The following ARAP2 variants were observed in gnomAD, a reference collection of about 807,000 sequenced individuals.
ARAP2 encodes arf-GAP with Rho-GAP domain, ANK repeat and PH domain-containing protein 2.
In ARAP2, 148 loss-of-function variants were observed where a neutral mutation model predicts 194.5. The observed-to-expected ratio is 0.76, with a 90% CI of 0.67 to 0.87. The LOEUF is 0.87. Among genes scored for constraint, ARAP2 ranks in the 40% least tolerant of loss-of-function variants. The pLI is 0.00. For synonymous variants in ARAP2, 695 were observed against 683.5 expected (o/e 1.02, Z -0.26); for missense variants, 2,128 against 1,989.7 (o/e 1.07, Z -1.32).
At chr4:36,222,529 G>T (rs11727412) in intron 2 of ARAP2, among the ~76,000 whole-genome samples, 35,810 of 151,742 alleles carry the variant, frequency 0.24, 4,850 homozygotes, top group South Asian at 0.32. Flanking sequence ...AACTACAAAA[G>T]AATATCATTT....
At chr4:36,220,360 A>G (rs2109308682) in intron 2 of ARAP2, among the ~76,000 whole-genome samples, 1 of 152,272 alleles carries the variant, frequency 6.6e-6, no homozygotes, top group East Asian at 1.9e-4. Flanking sequence ...TGTTGTAGCC[A>G]TTGCAACACC....
At chr4:36,023,077 T>G (rs1309824217) in intron 5 of ARAP2, among the ~76,000 whole-genome samples, 2 of 152,188 alleles carry the variant, frequency 1.3e-5, no homozygotes, top group Non-Finnish European at 2.9e-5. Flanking sequence ...CAAGGCATTC[T>G]CCATTATTGT....
Position 36,121,318 on chromosome 4 carries a change from T to C in ARAP2, c.3755A>G (p.Lys1252Arg). 6.3e-7 allele frequency: 1 copy of C among 1,588,092 alleles called. No individual in the cohort carries two copies. The highest frequency in any genetic ancestry group is 1.2e-5 in the South Asian group (1 of 86,576). ...ATTCATGTGATTGATTTCTGAGCATTTCTGAACCCTGTCAGAGAAAAGCAT... is the reference window on the plus strand; with the variant it reads ...ATTCATGTGATTGATTTCTGAGCATCTCTGAACCCTGTCAGAGAAAAGCAT... ...AIIEHLYRVQKCSEINHMNAH... is the reference protein window; with the variant it reads ...AIIEHLYRVQRCSEINHMNAH... Residue 1252 changes from lysine to arginine, a missense_variant, in exon 23 of 33, where the codon AAA becomes AGA. Coordinates refer to ENST00000303965, the MANE Select transcript of ARAP2 (RefSeq NM_015230.4).
intron 2 of ARAP2, among the ~76,000 whole-genome samples, chr4:36,227,038 T>C (rs797006659): frequency 6.6e-6 from 1 of 152,176 alleles, no homozygotes; most frequent in South Asian, 2.1e-4. Flanking sequence ...TCCTTTACAG[T>C]CCCAACAAAT....
At position 36,067,758 on chromosome 4, in the gene ARAP2, TA is replaced by T; in HGVS notation, c.*148del. On this transcript the variant is annotated 3_prime_UTR_variant, in exon 33 of 33. Coordinates refer to ENST00000303965, the MANE Select transcript of ARAP2 (RefSeq NM_015230.4). ...ATTCAGTCACATATATACATATTTT[TA>T]AATGCTCCTTAAATGCCTAAGCATA... 1.2e-6 allele frequency: 1 copy of T among 802,842 alleles called. No homozygotes were observed. The highest frequency in any genetic ancestry group is 2.1e-5 in the South Asian group (1 of 48,730). 49.7% of individuals were successfully genotyped at this position (802,842 alleles called of 1,614,324 possible). A position where few individuals can be genotyped will look rare whatever the true frequency, so the allele number is the denominator to read the frequency against.
chr4:36,117,322 C>T (rs1328349619), intron 24 of ARAP2, among the ~76,000 whole-genome samples, 187 bp from the exon 25 acceptor site: 2 of 151,716 alleles, frequency 1.3e-5, no homozygotes, highest in Non-Finnish European at 3.0e-5. Flanking sequence ...AAGGCATTTA[C>T]ACAAATGTTA....
At chr4:36,096,084 C>T (rs1219382276) in intron 27 of ARAP2, among the ~76,000 whole-genome samples, 1 of 151,942 alleles carries the variant, frequency 6.6e-6, no homozygotes, top group African/African-American at 2.4e-5. Flanking sequence ...ATTAGTCTTT[C>T]CAGGCACGGT....
intron 27 of ARAP2, among the ~76,000 whole-genome samples, chr4:36,099,916 G>C (rs2109425427): frequency 6.6e-6 from 1 of 152,174 alleles, no homozygotes; most frequent in African/African-American, 2.4e-5. Flanking sequence ...TTTCTGTGTT[G>C]CAGAATCTAA....
At chr4:36,063,233 T>G (rs1454905912), downstream of ARAP2, among the ~76,000 whole-genome samples, 2 of 152,124 alleles carry the variant, frequency 1.3e-5, no homozygotes, top group South Asian at 2.1e-4. Context: ...CCGCATGTTC[T>G]CACTCACAGG....
chr4:36,115,077 G>A (rs1721001763), intron 25 of ARAP2, among the ~76,000 whole-genome samples: 1 of 151,982 alleles, frequency 6.6e-6, no homozygotes, highest in African/African-American at 2.4e-5. Flanking sequence ...GTAAAAGGAT[G>A]TCTCTACTAA....
Position 36,159,464 on chromosome 4 carries a change from T to C in ARAP2, c.2484A>G (p.Thr828=), listed in dbSNP as rs2109772220. ...AAVVKPDVLE[T]MALLFSGADV... The stretch of plus-strand genomic sequence containing the variant: ...CTGCTCCACTGAACAGCAAAGCCAT[T>C]GTTTCTAGAACATCCGGTTTCACTA... The change falls in exon 14 of 33, where the codon ACA becomes ACG. Residue 828 remains threonine, a synonymous_variant. Transcript: ENST00000303965. The C allele has an allele frequency of 3.1e-6, 5 of 1,594,936 alleles. No individual in the cohort carries two copies. Among genetic ancestry groups the C allele is most frequent in the Non-Finnish European group, 4.3e-6 (5 of 1,168,008 alleles).
chr4:36,041,081 T>C (rs1434060812), intron 5 of ARAP2, among the ~76,000 whole-genome samples: 1 of 152,164 alleles, frequency 6.6e-6, no homozygotes, highest in Non-Finnish European at 1.5e-5. Flanking sequence ...CATTTATCTA[T>C]TGAGATAATC....
At chr4:36,170,964 T>G (rs1003380244) in intron 9 of ARAP2, among the ~76,000 whole-genome samples, 1 of 151,800 alleles carries the variant, frequency 6.6e-6, no homozygotes, top group African/African-American at 2.4e-5. Flanking sequence ...GGTGGCCTGG[T>G]GGTAGGGGTA....
chr4:36,006,370 C>T (rs957838629), intron 10 of ARAP2: 5 of 152,166 alleles, frequency 3.3e-5, no homozygotes, highest in Non-Finnish European at 7.4e-5. Flanking sequence ...CTGTCATAAA[C>T]ACTTGAGGAG....
intron 2 of ARAP2, 94 bp from the exon 3 acceptor site, chr4:36,214,574 T>C (rs1230806366): frequency 2.6e-6 from 2 of 764,004 alleles, no homozygotes; most frequent in Non-Finnish European, 3.9e-6. Context: ...TGAGAAAATA[T>C]TTATGATTTA....
At chr4:36,069,348 T>C (rs1726269467) in intron 32 of ARAP2, among the ~76,000 whole-genome samples, 2 of 152,224 alleles carry the variant, frequency 1.3e-5, no homozygotes, top group Admixed American at 1.3e-4. Flanking sequence ...AAATGTTTAA[T>C]ATCTAGCTTA....
chr4:36,197,688 G>A (rs941485990), intron 6 of ARAP2, among the ~76,000 whole-genome samples: 1 of 152,218 alleles, frequency 6.6e-6, no homozygotes, highest in Non-Finnish European at 1.5e-5. Flanking sequence ...GTGAGCAAGT[G>A]AGCATGGGGT....
intron 6 of ARAP2, among the ~76,000 whole-genome samples, chr4:36,199,900 T>C (rs1353921970): frequency 6.6e-6 from 1 of 152,216 alleles, no homozygotes; most frequent in African/African-American, 2.4e-5. Flanking sequence ...TTTGTGTTAA[T>C]TATTTCACAA....
At chr4:36,240,960 T>A (rs930708201) in intron 1 of ARAP2, among the ~76,000 whole-genome samples, 1 of 152,226 alleles carries the variant, frequency 6.6e-6, no homozygotes, top group Non-Finnish European at 1.5e-5. Context: ...ATCGCAATAG[T>A]TAAATGCTTG....
Sources: gnomAD v4.1 joint callset for allele counts (sites outside exome capture counted in the v4.1 genomes callset) on GRCh38, gnomAD v4.1.1 for gene constraint, MANE v1.5 for transcripts, NCBI Gene and HGNC (gene_info 2026-07-23, HGNC 2026-07-21) for gene names.